The following CNTNAP2 variants were observed in gnomAD, a reference collection of about 807,000 sequenced individuals.
CNTNAP2 encodes contactin-associated protein-like 2.
In CNTNAP2, 98 loss-of-function variants were observed where a neutral mutation model predicts 155.2. The ratio of observed to expected loss-of-function variants is 0.63; its 90% CI spans 0.54 to 0.75. The LOEUF is 0.75. Among genes scored for constraint, CNTNAP2 ranks in the 30% least tolerant of loss-of-function variants. The pLI is 0.00. For synonymous variants in CNTNAP2, 651 were observed against 631.2 expected (o/e 1.03, Z -0.47); for missense variants, 1,727 against 1,688.1 (o/e 1.02, Z -0.40).
At chr7:146,393,304 T>A (rs887193119) in intron 1 of CNTNAP2, among the ~76,000 whole-genome samples, 3 of 152,210 alleles carry the variant, frequency 2.0e-5, no homozygotes, top group African/African-American at 4.8e-5. Context: ...CCTGAAAGTG[T>A]ATTAGGTATG....
chr7:148,020,181 T>G (rs1289161457), intron 15 of CNTNAP2, among the ~76,000 whole-genome samples: 1 of 152,218 alleles, frequency 6.6e-6, no homozygotes, highest in African/African-American at 2.4e-5. Context: ...TCATCAGCAG[T>G]ACACTTGGTT....
At chr7:146,700,533 A>C (rs766348843) in intron 1 of CNTNAP2, among the ~76,000 whole-genome samples, 1 of 152,100 alleles carries the variant, frequency 6.6e-6, no homozygotes, top group Non-Finnish European at 1.5e-5. Flanking sequence ...GGCATTGTAC[A>C]TGTATGTTTA....
Position 147,400,359 on chromosome 7 carries a change from T to A in CNTNAP2, c.1670+4579T>A, listed in dbSNP as rs1796892362. On this transcript the variant is annotated intron_variant, in intron 10 of 23. Coordinates refer to ENST00000361727, the MANE Select transcript of CNTNAP2 (RefSeq NM_014141.6). ...AGAATTCCTAAACTCGGAGACTCGC[T>A]ACAACAGATCTGATAGTTGGCCTCA... Among the ~76,000 whole-genome samples, 3 of 152,182 alleles carry A rather than the reference T, an allele frequency of 2.0e-5. No individual in the cohort carries two copies. The South Asian group carries it at 6.2e-4, about 31-fold the overall frequency.
intron 1 of CNTNAP2, among the ~76,000 whole-genome samples, chr7:146,120,031 A>G (rs941619537): frequency 6.6e-6 from 1 of 151,902 alleles, no homozygotes; most frequent in Admixed American, 6.6e-5. Context: ...ACACCATTCA[A>G]GGAATTTAAG....
chr7:147,553,691 T>G (rs970845323), intron 11 of CNTNAP2, among the ~76,000 whole-genome samples: 1 of 152,092 alleles, frequency 6.6e-6, no homozygotes, highest in African/African-American at 2.4e-5. Context: ...CCTAAAATAA[T>G]TAGCAATAAG....
intron 4 of CNTNAP2, among the ~76,000 whole-genome samples, chr7:147,059,718 CA>C (rs746113702): frequency 1.0e-3 from 155 of 152,132 alleles, no homozygotes; most frequent in Non-Finnish European, 1.6e-3. Context: ...GTCCTTACAA[CA>C]AAGATGCAAA....
intron 10 of CNTNAP2, among the ~76,000 whole-genome samples, chr7:147,412,625 ATT>A (rs1226559507): frequency 2.0e-5 from 3 of 152,200 alleles, no homozygotes; most frequent in Non-Finnish European, 4.4e-5. Flanking sequence ...TTCTAAATAC[ATT>A]TTTTATAGAA....
intron 15 of CNTNAP2, among the ~76,000 whole-genome samples, chr7:148,042,430 T>C (rs905516021): frequency 6.6e-6 from 1 of 152,208 alleles, no homozygotes. Flanking sequence ...CTTTGGCTTC[T>C]GGTTCTAAGC....
At chr7:147,985,975 T>G (rs1362080798) in intron 15 of CNTNAP2, among the ~76,000 whole-genome samples, 1 of 152,140 alleles carries the variant, frequency 6.6e-6, no homozygotes, top group Admixed American at 6.5e-5. Flanking sequence ...TTAGACCCTG[T>G]TTTCCTAGAC....
intron 8 of CNTNAP2, among the ~76,000 whole-genome samples, chr7:147,285,673 T>G (rs944090510): frequency 2.0e-5 from 3 of 152,066 alleles, no homozygotes; most frequent in Non-Finnish European, 4.4e-5. Flanking sequence ...ATTACATAAT[T>G]TCTTCCTTAA....
intron 12 of CNTNAP2, among the ~76,000 whole-genome samples, chr7:147,611,492 G>A (rs79605631): frequency 0.017 from 2,587 of 152,172 alleles, 81 homozygotes; most frequent in African/African-American, 0.059. Context: ...AAACATTAAC[G>A]GATATCCTTC....
intron 13 of CNTNAP2, among the ~76,000 whole-genome samples, chr7:147,776,695 C>T (rs1387616246): frequency 6.6e-6 from 1 of 151,876 alleles, no homozygotes; most frequent in African/African-American, 2.4e-5. Flanking sequence ...ATACTAAAAG[C>T]TTGAAAATTT....
chr7:148,026,717 A>G (rs1206335837), intron 15 of CNTNAP2, among the ~76,000 whole-genome samples: 1 of 152,170 alleles, frequency 6.6e-6, no homozygotes, highest in Non-Finnish European at 1.5e-5. Flanking sequence ...AAAACTCTAC[A>G]AGACTCAAGT....
intron 15 of CNTNAP2, among the ~76,000 whole-genome samples, chr7:148,029,045 C>T (rs1000915531): frequency 6.6e-6 from 1 of 152,134 alleles, no homozygotes; most frequent in African/African-American, 2.4e-5. Context: ...TCATTATTTT[C>T]AGGCAGCCAT....
intron 2 of CNTNAP2, among the ~76,000 whole-genome samples, chr7:146,829,747 C>T (rs1803474704): frequency 6.6e-6 from 1 of 151,968 alleles, no homozygotes. Flanking sequence ...TACTCTTTAA[C>T]TTTCTGTTAT....
chr7:148,122,855 C>CAAAAAA (rs1226178688), intron 16 of CNTNAP2, among the ~76,000 whole-genome samples: 25 of 137,012 alleles, frequency 1.8e-4, no homozygotes, highest in Middle Eastern at 7.2e-3. Flanking sequence ...GAATACATCT[C>CAAAAAA]AAAAAAAAAA....
At chr7:148,091,510 G>A (rs1486279203) in intron 15 of CNTNAP2, among the ~76,000 whole-genome samples, 2 of 152,146 alleles carry the variant, frequency 1.3e-5, no homozygotes, top group African/African-American at 2.4e-5. Context: ...CAGAGAAGGC[G>A]ATGCATATGG....
chr7:146,340,393 T>A (rs1480895508), intron 1 of CNTNAP2, among the ~76,000 whole-genome samples: 1 of 151,228 alleles, frequency 6.6e-6, no homozygotes, highest in Non-Finnish European at 1.5e-5. Flanking sequence ...AATGATGTTT[T>A]TTCCTGAATA....
Position 146,562,085 on chromosome 7 carries a change from G to A in CNTNAP2, c.98-212186G>A, listed in dbSNP as rs181133852. ...GATTACAGCATGAGCCGCTGCACCC[G>A]GCCCAAAAACATTTTTGAATCTCCT... On this transcript the variant is annotated intron_variant, in intron 1 of 23. Coordinates refer to ENST00000361727, the MANE Select transcript of CNTNAP2 (RefSeq NM_014141.6). Among the ~76,000 whole-genome samples, 137 of 152,096 alleles carry A rather than the reference G, an allele frequency of 9.0e-4. 1 individual carries two copies. Among genetic ancestry groups the A allele is most frequent in the African/African-American group, 3.0e-3 (123 of 41,504 alleles).
Sources: allele counts gnomAD v4.1 joint callset (sites outside exome capture counted in the v4.1 genomes callset), GRCh38; gene constraint gnomAD v4.1.1; transcripts MANE v1.5; gene names NCBI Gene and HGNC (gene_info 2026-07-23, HGNC 2026-07-21).